The following COL26A1 variants were observed in gnomAD, a reference collection of about 807,000 sequenced individuals.
The protein encoded by COL26A1 is collagen type XXVI alpha 1 chain, also known as collagen alpha-1(XXVI) chain.
A neutral mutation model predicts 59.3 loss-of-function variants in COL26A1; 41 were observed. The observed-to-expected ratio is 0.69, with a 90% CI of 0.54 to 0.90. COL26A1 has a LOEUF of 0.90. COL26A1 is among the 40% of genes least tolerant of loss of function. COL26A1 has a pLI of 0.00. For synonymous variants in COL26A1, 266 were observed against 256.0 expected (o/e 1.04, Z -0.37); for missense variants, 612 against 602.3 (o/e 1.02, Z -0.17).
intron 3 of COL26A1, among the ~76,000 whole-genome samples, chr7:101,454,873 C>T (rs1225558494): frequency 1.3e-5 from 2 of 152,084 alleles, no homozygotes; most frequent in African/African-American, 4.8e-5. Context: ...ATCCTGAAAT[C>T]AGAGGCTCAA....
intron 8 of COL26A1, among the ~76,000 whole-genome samples, chr7:101,547,777 GTTCA>G (rs898864766): frequency 9.9e-5 from 15 of 151,962 alleles, no homozygotes; most frequent in African/African-American, 1.4e-4. Flanking sequence ...TCATTCATTC[GTTCA>G]TTCATTCATT....
intron 3 of COL26A1, among the ~76,000 whole-genome samples, chr7:101,478,860 G>A (rs1335563950): frequency 2.6e-5 from 4 of 152,118 alleles, no homozygotes; most frequent in Admixed American, 2.0e-4. Context: ...GCATAATGAT[G>A]TTCTGCTGAA....
intron 3 of COL26A1, among the ~76,000 whole-genome samples, chr7:101,492,515 G>C (rs1373847574): frequency 6.6e-6 from 1 of 151,714 alleles, no homozygotes; most frequent in African/African-American, 2.4e-5. Flanking sequence ...TGGCCAACAC[G>C]GAGAAACCCC....
At chr7:101,555,689 TG>T in intron 11 of COL26A1, 97 bp from the exon 12 acceptor site, 1 of 765,342 alleles carries the variant, frequency 1.3e-6, no homozygotes. Flanking sequence ...GAGGCAGGGG[TG>T]GGGGGCTTTG....
chr7:101,537,567 G>T (rs1358916723), intron 4 of COL26A1, among the ~76,000 whole-genome samples: 1 of 152,198 alleles, frequency 6.6e-6, no homozygotes, highest in African/African-American at 2.4e-5. Context: ...TGAGACGCTG[G>T]CAGGGGCAGA....
chr7:101,538,501 G>A (rs1482495378), intron 4 of COL26A1, among the ~76,000 whole-genome samples: 4 of 152,200 alleles, frequency 2.6e-5, no homozygotes, highest in South Asian at 4.1e-4. Flanking sequence ...TGATGTCGCC[G>A]CAGTGACCCT....
At chr7:101,398,254 G>A (rs1029108557) in intron 1 of COL26A1, among the ~76,000 whole-genome samples, 6 of 152,100 alleles carry the variant, frequency 3.9e-5, no homozygotes, top group African/African-American at 1.4e-4. Context: ...ATATGAGCTG[G>A]AGCTTGTCAG....
At chr7:101,366,517 TA>T (rs370202362) in intron 1 of COL26A1, among the ~76,000 whole-genome samples, 2 of 21,506 alleles carry the variant, frequency 9.3e-5, no homozygotes. Flanking sequence ...TTTTTTTTTT[TA>T]AAGACAGGGT....
chr7:101,376,002 A>AAG (rs1791307062), intron 1 of COL26A1, among the ~76,000 whole-genome samples: 1 of 150,760 alleles, frequency 6.6e-6, no homozygotes, highest in Non-Finnish European at 1.5e-5. Flanking sequence ...AAAAAAAAAA[A>AAG]AAAAGAAAAT....
At position 101,447,667 on chromosome 7, in the gene COL26A1, C is replaced by T. The variant is rs372963320; in HGVS notation, c.282-17C>T. 1.7e-5 allele frequency: 26 copies of T among 1,527,306 alleles called. No homozygotes were observed. The highest frequency in any genetic ancestry group is 7.1e-5 in the East Asian group (3 of 42,078). The allele number at this position is 1,527,306 out of a possible 1,614,324, so 94.6% of individuals were successfully genotyped here. Reference sequence around the variant, plus strand: ...TGGGTGGGAGCTCATGCCCCCCTGACGCTGTCTGTGTGTTAGTTACAGGAC... The same window carrying T: ...TGGGTGGGAGCTCATGCCCCCCTGATGCTGTCTGTGTGTTAGTTACAGGAC... On this transcript the variant is annotated splice_polypyrimidine_tract_variant and intron_variant, in intron 2 of 12. Transcript: ENST00000313669.
chr7:101,515,287 AT>A (rs34397132), intron 3 of COL26A1, among the ~76,000 whole-genome samples: 8 of 149,914 alleles, frequency 5.3e-5, no homozygotes, highest in East Asian at 2.0e-4. Flanking sequence ...ATAAATATTT[AT>A]TTTTTTTTTG....
chr7:101,450,319 A>G (rs1003870261), intron 3 of COL26A1, among the ~76,000 whole-genome samples: 14 of 152,222 alleles, frequency 9.2e-5, no homozygotes, highest in Admixed American at 6.5e-4. Flanking sequence ...CATCTGAGCC[A>G]GAGATTTTAC....
At chr7:101,507,972 T>C (rs1794847775) in intron 3 of COL26A1, among the ~76,000 whole-genome samples, 1 of 152,118 alleles carries the variant, frequency 6.6e-6, no homozygotes, top group Non-Finnish European at 1.5e-5. Flanking sequence ...CCGTAATATA[T>C]ATAAAATTAT....
In COL26A1 at chr7:101,558,317, T is replaced by G. The variant is rs10280175; in HGVS notation, c.*787T>G. ...GAGAGAGAAGCATTGGGGGTGCAAG[T>G]GTCCACCAAACCAGATAGGCATCCC... On this transcript the variant is annotated 3_prime_UTR_variant, in exon 13 of 13. Coordinates refer to ENST00000313669, the MANE Select transcript of COL26A1 (RefSeq NM_001278563.3). 0.61 allele frequency: 92,024 copies of G among 151,548 alleles called. 28,397 individuals are homozygous for G. The highest frequency in any genetic ancestry group is 0.97 in the East Asian group (5,010 of 5,144). The allele number at this position is 151,548 out of a possible 1,614,324, so 9.4% of individuals were successfully genotyped here.
chr7:101,518,080 C>T (rs1795068411), intron 3 of COL26A1, among the ~76,000 whole-genome samples: 1 of 152,088 alleles, frequency 6.6e-6, no homozygotes, highest in Non-Finnish European at 1.5e-5. Flanking sequence ...TCCCAAAGTA[C>T]TGGGATTACA....
chr7:101,514,802 G>A (rs1794996012), intron 3 of COL26A1, among the ~76,000 whole-genome samples: 1 of 152,252 alleles, frequency 6.6e-6, no homozygotes, highest in African/African-American at 2.4e-5. Context: ...CCTCCTCGCA[G>A]AGAATCTGCA....
chr7:101,466,837 T>TGTGTGA (rs764059657), intron 3 of COL26A1, among the ~76,000 whole-genome samples: 2,299 of 122,582 alleles, frequency 0.019, 72 homozygotes, highest in African/African-American at 0.063. Context: ...TGTGTGTGTG[T>TGTGTGA]GAGAGAGAGA....
chr7:101,517,212 T>A (rs891818455), intron 3 of COL26A1, among the ~76,000 whole-genome samples: 13 of 152,178 alleles, frequency 8.5e-5, no homozygotes, highest in African/African-American at 2.4e-4. Context: ...GTAGCTTCCG[T>A]GTGAGCGCAG....
Position 101,400,351 on chromosome 7 carries a change from C to CTTTTTTTTTTT in COL26A1, c.159-19625_159-19624insTTTTTTTTTTT, listed in dbSNP as rs1387032420. On this transcript the variant is annotated intron_variant, in intron 1 of 12. Transcript: ENST00000313669. Reference sequence around the variant, plus strand: ...GTCCACACTGCCTTTCTTTTTTTTCCTATTTTTTTTTTTTTTTTTTTTTTT... The same window carrying CTTTTTTTTTTT: ...GTCCACACTGCCTTTCTTTTTTTTCCTTTTTTTTTTTTATTTTTTTTTTTTTTTTTTTTTTT... Among the ~76,000 whole-genome samples the CTTTTTTTTTTT allele has an allele frequency of 3.2e-5, 4 of 123,352 alleles. 1 individual carries two copies. The highest frequency in any genetic ancestry group is 3.1e-5 in the African/African-American group (1 of 32,298). The allele number at this position is 123,352 out of a possible 152,430, so 80.9% of individuals were successfully genotyped here.
Sources: allele counts gnomAD v4.1 joint callset (sites outside exome capture counted in the v4.1 genomes callset), GRCh38; gene constraint gnomAD v4.1.1; transcripts MANE v1.5; gene names NCBI Gene and HGNC (gene_info 2026-07-23, HGNC 2026-07-21).